The following ROBO2 variants were observed in gnomAD, a reference collection of about 807,000 sequenced individuals.
ROBO2 encodes the protein roundabout homolog 2.
In ROBO2, 53 loss-of-function variants were observed where a neutral mutation model predicts 160.8. The ratio of observed to expected loss-of-function variants is 0.33; its 90% CI spans 0.26 to 0.41. The LOEUF is 0.41. Ranked by LOEUF, ROBO2 falls within the 10% of genes least tolerant of loss-of-function variation. ROBO2 has a pLI of 1.00. For synonymous variants in ROBO2, 664 were observed against 611.7 expected, an observed-to-expected ratio of 1.09 and a Z score of -1.26; for missense variants, 1,577 against 1,722.4, an observed-to-expected ratio of 0.92 and a Z score of 1.49.
chr3:77,596,628 C>G, exon 19 of ROBO2: 1 of 1,613,820 alleles, frequency 6.2e-7, no homozygotes, highest in Non-Finnish European at 8.5e-7. Context: ...TTTAGCCGTC[C>G]AGGTCTTCTC....
At chr3:77,564,054 C>T (rs984394534) in intron 11 of ROBO2, among the ~76,000 whole-genome samples, 1 of 152,006 alleles carries the variant, frequency 6.6e-6, no homozygotes, top group Non-Finnish European at 1.5e-5. Flanking sequence ...TAATGGATAA[C>T]CACTGTTTTT....
chr3:77,594,967 T>G (rs2094264709), intron 17 of ROBO2, among the ~76,000 whole-genome samples, 175 bp from the exon 19 acceptor site: 1 of 152,176 alleles, frequency 6.6e-6, no homozygotes, highest in Non-Finnish European at 1.5e-5. Context: ...AAATGATGGC[T>G]TTGCCTTGGG....
intron 23 of ROBO2, 123 bp downstream of exon 24, chr3:77,622,555 T>A: frequency 1.2e-6 from 1 of 838,236 alleles, no homozygotes; most frequent in South Asian, 1.6e-5. Context: ...ATTTTAAATG[T>A]GTTAATATTA....
rs561393624 is a variant in ROBO2 at position 75,933,840 on chromosome 3, C to T, written c.-13-3641C>T. ...TTGAAGTGGTTCTAATACCTGGAAA[C>T]TTCGATTTGCTCTTATAACGTGTTC... On this transcript the variant is annotated intron_variant, in intron 1 of 26. Transcript: ENST00000487694. 2.0e-5 allele frequency among the ~76,000 whole-genome samples: 3 copies of T among 152,270 alleles called. No individual in the cohort carries two copies. The East Asian group carries it at 5.8e-4, about 29-fold the overall frequency.
rs779947045 is a variant in ROBO2, at chr3:77,264,430, T to G, written c.388+166090T>G. On this transcript the variant is annotated intron_variant, in intron 2 of 25. Transcript: ENST00000461745. ...GCCATTTCACATGAACATCTGGATTTTTTTTCTCCTGTGCTTGTGCACATT... is the reference window on the plus strand; with the variant it reads ...GCCATTTCACATGAACATCTGGATTGTTTTTCTCCTGTGCTTGTGCACATT... Among the ~76,000 whole-genome samples the G allele has an allele frequency of 4.1e-4, 63 of 152,220 alleles. 1 individual carries two copies. The highest frequency in any genetic ancestry group is 1.3e-4 in the Non-Finnish European group (9 of 68,034).
exon 26 of ROBO2, chr3:77,648,596 C>T (rs2095428115): frequency 1.3e-5 from 2 of 152,060 alleles, no homozygotes; most frequent in South Asian, 4.1e-4. Context: ...TTTATGCACC[C>T]AAAATATCAC....
chr3:77,565,179 A>G, intron 12 of ROBO2, 59 bp downstream of exon 13: 1 of 1,574,882 alleles, frequency 6.3e-7, no homozygotes, highest in Admixed American at 1.7e-5. Flanking sequence ...ATATTTAAGA[A>G]CGAGGGGCTT....
intron 4 of ROBO2, among the ~76,000 whole-genome samples, chr3:77,484,562 A>G (rs1385511186): frequency 6.7e-6 from 1 of 149,968 alleles, no homozygotes; most frequent in African/African-American, 2.5e-5. Flanking sequence ...TCATCATTTT[A>G]CGTTCTGTTT....
At chr3:76,090,502 A>T (rs2069188033) in intron 2 of ROBO2, among the ~76,000 whole-genome samples, 1 of 152,202 alleles carries the variant, frequency 6.6e-6, no homozygotes, top group Admixed American at 6.5e-5. Context: ...ACCTCAAGGT[A>T]GTCAAGATAT....
At chr3:76,799,233 C>A (rs1397483989) in intron 2 of ROBO2, among the ~76,000 whole-genome samples, 23 of 147,686 alleles carry the variant, frequency 1.6e-4, no homozygotes, top group East Asian at 1.4e-3. Context: ...AAAAACAAAA[C>A]AAAAAAAAAA....
At chr3:76,200,013 G>T (rs1392165049) in intron 2 of ROBO2, among the ~76,000 whole-genome samples, 2 of 152,070 alleles carry the variant, frequency 1.3e-5, no homozygotes. Context: ...CTATAGGAGA[G>T]GGATAAAAAA....
At chr3:77,098,441 A>G (rs1423380269) in intron 2 of ROBO2, 101 bp downstream of exon 2, 7 of 1,169,994 alleles carry the variant, frequency 6.0e-6, no homozygotes, top group Non-Finnish European at 8.8e-6. Flanking sequence ...GAATCAATCA[A>G]CACACTGCAT....
intron 1 of ROBO2, among the ~76,000 whole-genome samples, chr3:75,914,702 G>A (rs1418677486): frequency 6.6e-6 from 1 of 152,120 alleles, no homozygotes; most frequent in African/African-American, 2.4e-5. Flanking sequence ...AGAACTCTAC[G>A]GATGCGTAAG....
At chr3:77,202,516 T>C (rs1192685744) in intron 2 of ROBO2, among the ~76,000 whole-genome samples, 2 of 152,192 alleles carry the variant, frequency 1.3e-5, no homozygotes, top group African/African-American at 4.8e-5. Flanking sequence ...TTCTGAAATA[T>C]AGTTATTTCT....
intron 2 of ROBO2, among the ~76,000 whole-genome samples, chr3:76,466,618 T>G: frequency 6.6e-6 from 1 of 152,040 alleles, no homozygotes; most frequent in Non-Finnish European, 1.5e-5. Flanking sequence ...GATTTTTTCA[T>G]ATAAGCTTCT....
intron 2 of ROBO2, among the ~76,000 whole-genome samples, chr3:76,918,647 T>A (rs1214914408): frequency 6.6e-6 from 1 of 152,210 alleles, no homozygotes; most frequent in Non-Finnish European, 1.5e-5. Flanking sequence ...GCCTATGCAT[T>A]TATTTATTAA....
chr3:76,308,394 A>AAAAG (rs1220755356), intron 2 of ROBO2, among the ~76,000 whole-genome samples: 3 of 150,692 alleles, frequency 2.0e-5, no homozygotes, highest in African/African-American at 7.4e-5. Flanking sequence ...AAAAAAAAAA[A>AAAAG]AAAGAAAGAA....
intron 2 of ROBO2, among the ~76,000 whole-genome samples, chr3:76,294,306 G>A (rs537095663): frequency 6.6e-6 from 1 of 152,222 alleles, no homozygotes; most frequent in Admixed American, 6.5e-5. Flanking sequence ...TTCCAACTCA[G>A]AAGGGAAAGA....
At position 76,066,275 on chromosome 3, in the gene ROBO2, A is replaced by G. The variant is rs140665778; in HGVS notation, c.109+128673A>G. 3.9e-5 allele frequency among the ~76,000 whole-genome samples: 6 copies of G among 152,274 alleles called. No homozygotes were observed. The East Asian group carries it at 1.2e-3, about 29-fold the overall frequency. On this transcript the variant is annotated intron_variant, in intron 2 of 26. Coordinates refer to the ROBO2 transcript ENST00000487694. ...TTGAAATTATTCTTTGTAAGCTTGC[A>G]TCAGAATGATTAGTCAGCATCCAGT...
Sources: gnomAD v4.1 joint callset for allele counts (sites outside exome capture counted in the v4.1 genomes callset) on GRCh38, gnomAD v4.1.1 for gene constraint, MANE v1.5 for transcripts, NCBI Gene and HGNC (gene_info 2026-07-23, HGNC 2026-07-21) for gene names.